Variants in TRIQK observed in about 807,000 individuals in gnomAD.
TRIQK encodes triple QxxK/R motif containing, also known as triple QxxK/R motif-containing protein.
TRIQK carries 10 observed loss-of-function variants against 10.8 expected under a neutral mutation model. The observed-to-expected ratio is 0.92, with a 90% CI of 0.57 to 1.57. TRIQK has a LOEUF of 1.57. Among genes scored for constraint, TRIQK ranks in the 40% most tolerant of loss-of-function variants. The pLI is 0.00. For missense variants in TRIQK, 107 were observed against 97.7 expected (o/e 1.09, Z -0.40); for synonymous variants, 33 against 33.7 (o/e 0.98, Z 0.07).
Position 92,883,610 on chromosome 8 carries a change from T to C in TRIQK, c.*3012A>G, listed in dbSNP as rs1355759783. On this transcript the variant is annotated 3_prime_UTR_variant, in exon 5 of 5. Coordinates refer to ENST00000521988, the MANE Select transcript of TRIQK (RefSeq NM_001171797.2). Reference sequence around the variant, plus strand: ...TTTACACAAAGAAACTGTGACAGACTCTGAGAGGACTAAAAGGCATCAACT... The same window carrying C: ...TTTACACAAAGAAACTGTGACAGACCCTGAGAGGACTAAAAGGCATCAACT... 2.0e-5 allele frequency: 3 copies of C among 151,704 alleles called. No homozygotes were observed. The highest frequency in any genetic ancestry group is 4.4e-5 in the Non-Finnish European group (3 of 67,780). The allele number at this position is 151,704 out of a possible 1,614,324, so 9.4% of individuals were successfully genotyped here.
At chr8:92,927,362 A>C (rs1177376752) in intron 2 of TRIQK, among the ~76,000 whole-genome samples, 1 of 152,156 alleles carries the variant, frequency 6.6e-6, no homozygotes, top group Non-Finnish European at 1.5e-5. Context: ...GTAGTGGTTT[A>C]GAGTTAAGCA....
rs190834378 is a variant in TRIQK, at chr8:92,916,354, A to G, written c.61+575T>C. Among the ~76,000 whole-genome samples, 288 of 152,254 alleles carry G rather than the reference A, an allele frequency of 1.9e-3. 1 individual carries two copies. Among genetic ancestry groups the G allele is most frequent in the African/African-American group, 6.5e-3 (270 of 41,568 alleles). The stretch of plus-strand genomic sequence containing the variant: ...AGCTTTTCTAGTCCACCGTTCTACT[A>G]GGGTAGTATCTCCTTGAGGGTCCAA... On this transcript the variant is annotated intron_variant, in intron 3 of 4. Transcript: ENST00000521988.
At chr8:92,936,311 CA>C (rs1810985866) in intron 2 of TRIQK, among the ~76,000 whole-genome samples, 1 of 151,434 alleles carries the variant, frequency 6.6e-6, no homozygotes. Flanking sequence ...AATGAAAGGG[CA>C]ATTTAACATT....
intron 1 of TRIQK, among the ~76,000 whole-genome samples, chr8:93,013,355 T>C (rs1326426267): frequency 6.6e-6 from 1 of 152,196 alleles, no homozygotes; most frequent in African/African-American, 2.4e-5. Flanking sequence ...TAGCTTCTTG[T>C]GGTTAGGAAA....
At chr8:93,002,592 G>A (rs779231837) in intron 1 of TRIQK, among the ~76,000 whole-genome samples, 11 of 152,054 alleles carry the variant, frequency 7.2e-5, no homozygotes, top group Non-Finnish European at 1.0e-4. Context: ...AATAATGAAT[G>A]AAGAAATTAA....
At chr8:92,977,058 A>G (rs1812940719) in intron 1 of TRIQK, among the ~76,000 whole-genome samples, 1 of 152,068 alleles carries the variant, frequency 6.6e-6, no homozygotes, top group Middle Eastern at 3.4e-3. Flanking sequence ...TTACCCACAT[A>G]TTTACCATTT....
intron 2 of TRIQK, among the ~76,000 whole-genome samples, chr8:92,917,544 A>C (rs1208703828): frequency 2.6e-5 from 4 of 152,002 alleles, no homozygotes; most frequent in African/African-American, 9.7e-5. Flanking sequence ...ACCATTTATT[A>C]ATATTTTCAT....
intron 2 of TRIQK, among the ~76,000 whole-genome samples, chr8:92,939,115 C>A (rs1280835726): frequency 6.6e-6 from 1 of 152,076 alleles, no homozygotes; most frequent in African/African-American, 2.4e-5. Context: ...ACAATTGGGG[C>A]TTTTTGTTGA....
intron 4 of TRIQK, among the ~76,000 whole-genome samples, chr8:92,889,234 A>G (rs1816640389): frequency 1.3e-5 from 2 of 151,644 alleles, no homozygotes; most frequent in South Asian, 4.1e-4. Flanking sequence ...TTAAGCCCCT[A>G]TTGTATAATT....
intron 3 of TRIQK, among the ~76,000 whole-genome samples, chr8:92,899,746 C>A (rs1031161002): frequency 1.3e-5 from 2 of 148,610 alleles, no homozygotes; most frequent in African/African-American, 2.5e-5. Context: ...TCCTGATTTC[C>A]TTTCTTTTGC....
chr8:92,918,736 G>A (rs1809999248), intron 2 of TRIQK, among the ~76,000 whole-genome samples: 1 of 151,460 alleles, frequency 6.6e-6, no homozygotes, highest in African/African-American at 2.4e-5. Context: ...AATCCTATGT[G>A]TCTATTTTTG....
intron 1 of TRIQK, among the ~76,000 whole-genome samples, chr8:92,955,812 T>C (rs1812142693): frequency 1.3e-5 from 2 of 151,856 alleles, no homozygotes; most frequent in East Asian, 1.9e-4. Flanking sequence ...AAAAAGCACA[T>C]GAAAAGATGC....
At chr8:92,935,732 C>T (rs1055298360) in intron 2 of TRIQK, among the ~76,000 whole-genome samples, 1 of 151,018 alleles carries the variant, frequency 6.6e-6, no homozygotes, top group Non-Finnish European at 1.5e-5. Context: ...AATACACAAA[C>T]AGTATTAGAT....
At chr8:92,931,457 C>T (rs190225876) in intron 2 of TRIQK, among the ~76,000 whole-genome samples, 90 of 152,256 alleles carry the variant, frequency 5.9e-4, no homozygotes, top group Non-Finnish European at 1.2e-3. Context: ...CCCAATATTA[C>T]TTGCCCGATT....
At chr8:92,930,978 T>G (rs1810693987) in intron 2 of TRIQK, among the ~76,000 whole-genome samples, 1 of 152,184 alleles carries the variant, frequency 6.6e-6, no homozygotes, top group Non-Finnish European at 1.5e-5. Context: ...ACTAAATGGA[T>G]GTAATTTCTT....
intron 1 of TRIQK, among the ~76,000 whole-genome samples, chr8:92,964,288 T>A (rs1425392077): frequency 6.6e-6 from 1 of 151,986 alleles, no homozygotes; most frequent in African/African-American, 2.4e-5. Flanking sequence ...AATTTCCTTA[T>A]CCCTAAAGAA....
In TRIQK at chr8:92,954,554, GA is replaced by G. The variant is rs1436823417; in HGVS notation, c.-171del. ...AAATACCAAAAATAATATTCTTGGT[GA>G]TTTTTCTTACTGAAATTCAAAACAA... On this transcript the variant is annotated 5_prime_UTR_variant, in exon 2 of 5. Coordinates refer to ENST00000521988, the MANE Select transcript of TRIQK (RefSeq NM_001171797.2). The G allele has an allele frequency of 1.3e-5, 2 of 151,812 alleles. No homozygotes were observed. 9.4% of individuals were successfully genotyped at this position (151,812 alleles called of 1,614,324 possible). A position where few individuals can be genotyped will look rare whatever the true frequency, so the allele number is the denominator to read the frequency against.
At chr8:92,964,060 T>C (rs894531646) in intron 1 of TRIQK, among the ~76,000 whole-genome samples, 5 of 152,014 alleles carry the variant, frequency 3.3e-5, no homozygotes, top group African/African-American at 1.2e-4. Flanking sequence ...AACTGAACAT[T>C]AGTAGTTCCC....
In TRIQK at chr8:92,946,636, AT is replaced by A. The variant is rs201770903; in HGVS notation, c.-22+7769del. Among the ~76,000 whole-genome samples the A allele has an allele frequency of 9.3e-3, 1,411 of 152,176 alleles. 20 individuals are homozygous for A. The highest frequency in any genetic ancestry group is 0.031 in the Middle Eastern group (9 of 292). ...GAATAAACTGCCTAAAGCAATTAATATTTTTAAGTGTTGTTTTCTAATTTTT... is the reference window on the plus strand; with the variant it reads ...GAATAAACTGCCTAAAGCAATTAATATTTTAAGTGTTGTTTTCTAATTTTT... On this transcript the variant is annotated intron_variant, in intron 2 of 4. Coordinates refer to ENST00000521988, the MANE Select transcript of TRIQK (RefSeq NM_001171797.2).
Sources: allele counts gnomAD v4.1 joint callset (sites outside exome capture counted in the v4.1 genomes callset), GRCh38; gene constraint gnomAD v4.1.1; transcripts MANE v1.5; gene names NCBI Gene and HGNC (gene_info 2026-07-23, HGNC 2026-07-21).